The following TSPEAR variants were observed in gnomAD, a reference collection of about 807,000 sequenced individuals.
TSPEAR encodes thrombospondin-type laminin G domain and EAR repeat-containing protein.
A neutral mutation model predicts 71.6 loss-of-function variants in TSPEAR; 69 were observed. The observed-to-expected ratio is 0.96, with a 90% CI of 0.79 to 1.18. TSPEAR has a LOEUF of 1.18. TSPEAR is among the 50% of genes most tolerant of loss of function. The pLI, the probability that TSPEAR is intolerant of heterozygous loss-of-function variation, is 0.00. For synonymous variants in TSPEAR, 402 were observed against 387.2 expected, an observed-to-expected ratio of 1.04 and a Z score of -0.45; for missense variants, 971 against 894.9, an observed-to-expected ratio of 1.09 and a Z score of -1.09.
chr21:44,580,331 G>T (rs587669303), intron 1 of TSPEAR: 2 of 1,614,022 alleles, frequency 1.2e-6, no homozygotes. Flanking sequence ...CTGCTGGCAG[G>T]GGGAGGAGGC....
At chr21:44,639,174 T>TGACCCCGAGGACG (rs1983871069) in intron 1 of TSPEAR, among the ~76,000 whole-genome samples, 2 of 152,106 alleles carry the variant, frequency 1.3e-5, no homozygotes, top group Admixed American at 6.5e-5. Flanking sequence ...GGTCCTGGAC[T>TGACCCCGAGGACG]CTGACCCCGA....
chr21:44,635,580 C>T (rs915015058), intron 1 of TSPEAR, among the ~76,000 whole-genome samples: 4 of 152,084 alleles, frequency 2.6e-5, no homozygotes, highest in African/African-American at 9.7e-5. Flanking sequence ...CCACATATTC[C>T]ATGACTGCGT....
At chr21:44,521,276 C>T (rs1046717689) in intron 9 of TSPEAR, among the ~76,000 whole-genome samples, 14 of 152,230 alleles carry the variant, frequency 9.2e-5, no homozygotes, top group African/African-American at 2.4e-4. Context: ...ACCTCTGCTC[C>T]GGTCACAGTC....
At chr21:44,531,796 G>A (rs2052978229) in intron 3 of TSPEAR, among the ~76,000 whole-genome samples, 2 of 152,350 alleles carry the variant, frequency 1.3e-5, no homozygotes, top group South Asian at 4.1e-4. Context: ...TGACCCATGA[G>A]GGTGTCAGGA....
chr21:44,667,352 G>T (rs755521786), intron 1 of TSPEAR, among the ~76,000 whole-genome samples: 9 of 152,176 alleles, frequency 5.9e-5, no homozygotes, highest in Non-Finnish European at 7.3e-5. Flanking sequence ...TGATCTGTGG[G>T]TGTCCTGAGA....
intron 1 of TSPEAR, among the ~76,000 whole-genome samples, chr21:44,569,384 C>T (rs1350939418): frequency 6.6e-6 from 1 of 152,226 alleles, no homozygotes; most frequent in Non-Finnish European, 1.5e-5. Context: ...CGCAGACGTG[C>T]AGTGCAGGAA....
chr21:44,637,781 T>C, intron 1 of TSPEAR: 1 of 1,359,706 alleles, frequency 7.4e-7, no homozygotes, highest in Non-Finnish European at 1.0e-6. Flanking sequence ...CTGCTCCGAG[T>C]CTTCCCCTTC....
rs1988145191 is a variant in TSPEAR at position 44,710,184 on chromosome 21, G to A, written c.82+1249C>T. On this transcript the variant is annotated intron_variant, in intron 1 of 11. Transcript: ENST00000323084. This position sits in a 1 kb window ranked among gnomAD's most constrained non-coding sequence, Gnocchi z 4.6. The stretch of plus-strand genomic sequence containing the variant: ...GCGCCCTCCATCGCGTGAAGCCAGG[G>A]GATTTTGCTCTGCGACAAGCTGACT... Among the ~76,000 whole-genome samples the A allele has an allele frequency of 1.3e-5, 2 of 152,184 alleles. No individual in the cohort carries two copies. The highest frequency in any genetic ancestry group is 4.8e-5 in the African/African-American group (2 of 41,446).
intron 1 of TSPEAR, chr21:44,601,286 C>T (rs782431198): frequency 2.5e-6 from 4 of 1,609,226 alleles, no homozygotes. Flanking sequence ...TGCACCTCCT[C>T]CCCTTGCCAG....
chr21:44,690,565 C>A (rs1555949627), intron 1 of TSPEAR: 1 of 985,274 alleles, frequency 1.0e-6, no homozygotes, highest in East Asian at 1.1e-4. Flanking sequence ...TCATGATGTC[C>A]GGGAGGTCAG....
chr21:44,706,264 C>T (rs572487238), intron 1 of TSPEAR, among the ~76,000 whole-genome samples: 91 of 152,356 alleles, frequency 6.0e-4, no homozygotes, highest in African/African-American at 2.1e-3. Context: ...GGAAGGGTGG[C>T]TGCGTCCCGG....
At chr21:44,636,084 T>C (rs1302706019) in intron 1 of TSPEAR, among the ~76,000 whole-genome samples, 1 of 152,242 alleles carries the variant, frequency 6.6e-6, no homozygotes, top group Non-Finnish European at 1.5e-5. Flanking sequence ...TTCACATTAA[T>C]CTTCCACCTG....
At chr21:44,606,625 T>C (rs1981332652) in intron 1 of TSPEAR, among the ~76,000 whole-genome samples, 1 of 152,204 alleles carries the variant, frequency 6.6e-6, no homozygotes, top group Non-Finnish European at 1.5e-5. Context: ...TCGATCTCAG[T>C]TCATCAATTG....
At chr21:44,550,753 GGCAGAGGAGGGAC>G in intron 2 of TSPEAR, 1 of 1,614,204 alleles carries the variant, frequency 6.2e-7, no homozygotes, top group Non-Finnish European at 8.5e-7. Context: ...CACACGGGGC[GGCAGAGGAGGGAC>G]ACAGAGGAGG....
At position 44,642,996 on chromosome 21, in the gene TSPEAR, T is replaced by TA. The variant is rs1984103261; in HGVS notation, c.82+68436dup. On this transcript the variant is annotated intron_variant, in intron 1 of 11. Transcript: ENST00000323084. This position sits in a 1 kb window ranked among gnomAD's most constrained non-coding sequence, Gnocchi z 4.1. ...GCAGCACTATTCACAACAGCAAAGA[T>TA]ACGGAAGCAACATAAGTGATCATCA... Among the ~76,000 whole-genome samples, 1 of 152,114 alleles carries TA rather than the reference T, an allele frequency of 6.6e-6. No individual in the cohort carries two copies. The highest frequency in any genetic ancestry group is 6.6e-5 in the Admixed American group (1 of 15,264).
In TSPEAR at chr21:44,708,874, G is replaced by A. The variant is rs542721761; in HGVS notation, c.82+2559C>T. On this transcript the variant is annotated intron_variant, in intron 1 of 11. Transcript: ENST00000323084. ...CCCTGGCCTGTGGCTGCCACATCCC[G>A]GGTGGGGGCACGGCCTTTCCTGGCG... Among the ~76,000 whole-genome samples the A allele has an allele frequency of 3.8e-3, 577 of 152,352 alleles. 2 individuals are homozygous for A. Among genetic ancestry groups the A allele is most frequent in the Non-Finnish European group, 5.6e-3 (381 of 68,026 alleles).
intron 1 of TSPEAR, among the ~76,000 whole-genome samples, chr21:44,635,152 C>G (rs1601511621): frequency 1.3e-5 from 2 of 152,010 alleles, no homozygotes; most frequent in African/African-American, 2.4e-5. Flanking sequence ...CAAGACCAGC[C>G]TGGCCAACAT....
intron 2 of TSPEAR, chr21:44,557,780 A>G: frequency 1.9e-6 from 1 of 516,920 alleles, no homozygotes. Context: ...TATGCAAAAA[A>G]GACCTCTGAG....
chr21:44,646,367 C>T lies in TSPEAR; in HGVS notation c.82+65066G>A, dbSNP rs587759629. The stretch of plus-strand genomic sequence containing the variant: ...CACATGCCAGGGAGGGATTTAAAAG[C>T]CCCACAGCCCTGAGCACCTCACTCA... On this transcript the variant is annotated intron_variant, in intron 1 of 11. Coordinates refer to ENST00000323084, the MANE Select transcript of TSPEAR (RefSeq NM_144991.3). The T allele has an allele frequency of 1.1e-4, 167 of 1,504,272 alleles. No individual in the cohort carries two copies. The African/African-American group carries it at 1.9e-3, about 17-fold the overall frequency. The allele number at this position is 1,504,272 out of a possible 1,614,324, so 93.2% of individuals were successfully genotyped here.
Sources: allele counts gnomAD v4.1 joint callset (sites outside exome capture counted in the v4.1 genomes callset), GRCh38; gene constraint gnomAD v4.1.1; non-coding constraint Gnocchi (gnomAD v3.1); transcripts MANE v1.5; gene names NCBI Gene and HGNC (gene_info 2026-07-23, HGNC 2026-07-21).